Variants in BLACAT1 observed in about 807,000 individuals in gnomAD.
BLACAT1 encodes BLACAT1 overlapping LEMD1 locus.
In BLACAT1 at chr1:205,450,017, G is replaced by C. The variant is rs1666469100; in HGVS notation, c.-37+5900C>G. ...GAGGGCAGGCCTCCTCCCTCCCCCTGCCCGCCCACCACCGGCCAGGGCTGA... is the reference window on the plus strand; with the variant it reads ...GAGGGCAGGCCTCCTCCCTCCCCCTCCCCGCCCACCACCGGCCAGGGCTGA... On this transcript the variant is annotated intron_variant, in intron 1 of 1. Transcript: ENST00000629624. The surrounding 1 kb of genome is among the most constrained non-coding windows in gnomAD (Gnocchi z 4.4). 1 of 150,948 alleles carries C rather than the reference G, an allele frequency of 6.6e-6. No individual in the cohort carries two copies. Among genetic ancestry groups the C allele is most frequent in the African/African-American group, 2.4e-5 (1 of 40,978 alleles). 9.4% of individuals were successfully genotyped at this position (150,948 alleles called of 1,614,324 possible).
chr1:205,443,853 A>G (rs1265142356), intron 1 of BLACAT1, among the ~76,000 whole-genome samples: 1 of 151,824 alleles, frequency 6.6e-6, no homozygotes, highest in African/African-American at 2.4e-5. Flanking sequence ...CCCGCTGTGA[A>G]CCCCACTCCT....
At position 205,450,582 on chromosome 1, in the gene BLACAT1, G is replaced by A. The variant is rs1018707454; in HGVS notation, c.-37+5335C>T. ...TCCATTTCCTTTCTCAGACCTGCTCGAGCCTGGCCCCCTCCACCCACCCTC... is the reference window on the plus strand; with the variant it reads ...TCCATTTCCTTTCTCAGACCTGCTCAAGCCTGGCCCCCTCCACCCACCCTC... On this transcript the variant is annotated intron_variant, in intron 1 of 1. Coordinates refer to ENST00000629624, the Ensembl canonical transcript of BLACAT1. This position sits in a 1 kb window ranked among gnomAD's most constrained non-coding sequence, Gnocchi z 4.4. 3.3e-5 allele frequency among the ~76,000 whole-genome samples: 5 copies of A among 151,588 alleles called. No homozygotes were observed. Among genetic ancestry groups the A allele is most frequent in the African/African-American group, 2.4e-5 (1 of 41,178 alleles).
At chr1:205,439,226 C>T (rs1666254835), downstream of BLACAT1, among the ~76,000 whole-genome samples, 1 of 152,182 alleles carries the variant, frequency 6.6e-6, no homozygotes, top group Non-Finnish European at 1.5e-5. Flanking sequence ...CCTTTGTGAC[C>T]CCACTGGCCT....
At chr1:205,447,297 T>A (rs1158067891) in intron 1 of BLACAT1, among the ~76,000 whole-genome samples, 1 of 152,104 alleles carries the variant, frequency 6.6e-6, no homozygotes, top group Non-Finnish European at 1.5e-5. Context: ...ATGAAATGGG[T>A]TAGTGCAGGT....
In BLACAT1 at chr1:205,448,860, G is replaced by A. The variant is rs1376454707; in HGVS notation, c.-37+7057C>T. Among the ~76,000 whole-genome samples the A allele has an allele frequency of 1.3e-5, 2 of 152,170 alleles. No individual in the cohort carries two copies. Among genetic ancestry groups the A allele is most frequent in the African/African-American group, 4.8e-5 (2 of 41,442 alleles). ...AGCCACTGGAAGCACAGAGGGCAAA[G>A]GAGGGTCTGGGTAAAGGAGGGCAGC... On this transcript the variant is annotated intron_variant, in intron 1 of 1. Transcript: ENST00000629624. This position sits in a 1 kb window ranked among gnomAD's most constrained non-coding sequence, Gnocchi z 4.7.
At chr1:205,440,960 C>T (rs1463581331) in exon 2 of BLACAT1, 1 of 152,454 alleles carries the variant, frequency 6.6e-6, no homozygotes, top group Non-Finnish European at 1.5e-5. Flanking sequence ...TGAACTTCCT[C>T]CTTCTTCCTC....
chr1:205,443,825 C>T (rs950369025), intron 1 of BLACAT1, among the ~76,000 whole-genome samples: 6 of 152,190 alleles, frequency 3.9e-5, no homozygotes, highest in African/African-American at 1.4e-4. Context: ...AGAATTCCAA[C>T]CCATTTCCGT....
At chr1:205,438,421 G>A (rs1183155083), downstream of BLACAT1, among the ~76,000 whole-genome samples, 2 of 152,226 alleles carry the variant, frequency 1.3e-5, no homozygotes, top group Non-Finnish European at 2.9e-5. Flanking sequence ...AGCCTGGCCC[G>A]AAGTCAGAGG....
chr1:205,446,538 C>T (rs543384603), intron 1 of BLACAT1, among the ~76,000 whole-genome samples: 25 of 152,370 alleles, frequency 1.6e-4, no homozygotes, highest in African/African-American at 6.0e-4. Context: ...CTGGGGACTA[C>T]CCGGGCAAAC....
downstream of BLACAT1, chr1:205,437,830 G>A (rs1361258875): frequency 6.6e-6 from 1 of 152,210 alleles, no homozygotes; most frequent in Admixed American, 6.5e-5. Flanking sequence ...TTTCCAAGCA[G>A]GGCTAGAAGC....
At chr1:205,436,503 A>C (rs1209547450), downstream of BLACAT1, 1 of 61,042 alleles carries the variant, frequency 1.6e-5, no homozygotes, top group Admixed American at 2.2e-4. Flanking sequence ...GGCACTGACC[A>C]CTCCAGGGAT....
intron 1 of BLACAT1, among the ~76,000 whole-genome samples, chr1:205,444,441 C>G (rs1239157799): frequency 6.6e-6 from 1 of 152,116 alleles, no homozygotes; most frequent in African/African-American, 2.4e-5. Context: ...CGTCCTCCCC[C>G]ACCACTAGGA....
downstream of BLACAT1, among the ~76,000 whole-genome samples, chr1:205,438,588 A>G (rs2102461843): frequency 6.6e-6 from 1 of 152,318 alleles, no homozygotes; most frequent in Non-Finnish European, 1.5e-5. Flanking sequence ...AAACTGAGGG[A>G]CAATAGAATG....
downstream of BLACAT1, chr1:205,435,137 C>T (rs562121099): frequency 6.6e-6 from 1 of 152,222 alleles, no homozygotes; most frequent in Non-Finnish European, 1.5e-5. Flanking sequence ...TGCTACTTTA[C>T]AGAATTAATC....
At chr1:205,449,958 C>G (rs1425154625) in intron 1 of BLACAT1, 1 of 152,884 alleles carries the variant, frequency 6.5e-6, no homozygotes, top group Admixed American at 6.5e-5. Context: ...GCCACTCACT[C>G]CTCCACTCAC....
chr1:205,438,150 G>T (rs1172621666), downstream of BLACAT1, among the ~76,000 whole-genome samples: 1 of 152,192 alleles, frequency 6.6e-6, no homozygotes, highest in Non-Finnish European at 1.5e-5. Flanking sequence ...TCAGCAGCCT[G>T]AAGCCCAAGA....
intron 1 of BLACAT1, among the ~76,000 whole-genome samples, chr1:205,443,331 G>T (rs1302454459): frequency 6.6e-6 from 1 of 152,138 alleles, no homozygotes; most frequent in Non-Finnish European, 1.5e-5. Context: ...CCTTTTCAAT[G>T]ACTGTTCTTT....
chr1:205,446,579 T>C (rs74327432), intron 1 of BLACAT1, among the ~76,000 whole-genome samples: 4,281 of 152,154 alleles, frequency 0.028, 213 homozygotes, highest in African/African-American at 0.099. Flanking sequence ...AGGGGCCCAG[T>C]TGCAGGGGGC....
chr1:205,450,385 T>A lies in BLACAT1; in HGVS notation c.-37+5532A>T, dbSNP rs974627300. 4.4e-4 allele frequency among the ~76,000 whole-genome samples: 67 copies of A among 151,338 alleles called. No individual in the cohort carries two copies. The highest frequency in any genetic ancestry group is 8.3e-4 in the Non-Finnish European group (56 of 67,788). On this transcript the variant is annotated intron_variant, in intron 1 of 1. Transcript: ENST00000629624. The surrounding 1 kb of genome is among the most constrained non-coding windows in gnomAD (Gnocchi z 4.4). ...TCCCCTGCCGCTCCCCTCCAGCTTT[T>A]TTATAGTTTAATTTTTGGCAGGAGA...
Sources: gnomAD v4.1 joint callset for allele counts (sites outside exome capture counted in the v4.1 genomes callset) on GRCh38, gnomAD v4.1.1 for gene constraint, Gnocchi (gnomAD v3.1) non-coding constraint, MANE v1.5 for transcripts, NCBI Gene and HGNC (gene_info 2026-07-23, HGNC 2026-07-21) for gene names.